CTNNA2: variants seen among roughly 807,000 people sequenced by gnomAD.
CTNNA2 encodes catenin alpha 2.
CTNNA2 carries 42 observed loss-of-function variants against 101.0 expected under a neutral mutation model. The observed-to-expected ratio is 0.42, with a 90% CI of 0.32 to 0.54. CTNNA2 has a LOEUF of 0.54. Among genes scored for constraint, CTNNA2 ranks in the 20% least tolerant of loss-of-function variants. The probability of loss-of-function intolerance (pLI) is 0.14; values close to 1 mark genes in which losing one functional copy is unlikely to be tolerated. For missense variants in CTNNA2, 871 were observed against 1,223.1 expected (o/e 0.71, Z 4.29); for synonymous variants, 450 against 456.4 (o/e 0.99, Z 0.18).
chr2:79,778,735 TTCTC>T (rs930628704), intron 3 of CTNNA2, among the ~76,000 whole-genome samples: 12 of 152,084 alleles, frequency 7.9e-5, no homozygotes, highest in East Asian at 1.9e-4. Flanking sequence ...CTTTCTTTCT[TTCTC>T]TCTCTCCTCT....
intron 7 of CTNNA2, among the ~76,000 whole-genome samples, chr2:80,280,850 A>G (rs1244339820): frequency 3.9e-5 from 6 of 152,120 alleles, no homozygotes; most frequent in Non-Finnish European, 7.4e-5. Context: ...AAGAAAAAAA[A>G]CCATGATGCA....
At chr2:79,750,021 C>T (rs149881412) in intron 3 of CTNNA2, among the ~76,000 whole-genome samples, 176 of 152,278 alleles carry the variant, frequency 1.2e-3, no homozygotes, top group African/African-American at 4.1e-3. Flanking sequence ...GTATGGCTTA[C>T]AGTTGGTGGT....
At chr2:79,817,531 G>C (rs1261367823) in intron 3 of CTNNA2, among the ~76,000 whole-genome samples, 1 of 151,868 alleles carries the variant, frequency 6.6e-6, no homozygotes, top group African/African-American at 2.4e-5. Context: ...ATTGAACCAT[G>C]TGTTGTATCT....
intron 7 of CTNNA2, among the ~76,000 whole-genome samples, chr2:79,913,442 G>A (rs552194359): frequency 9.1e-4 from 139 of 152,232 alleles, no homozygotes; most frequent in Admixed American, 2.6e-3. Context: ...GGCATCAGTC[G>A]GTGCAGGGTG....
intron 3 of CTNNA2, among the ~76,000 whole-genome samples, chr2:79,827,538 G>T (rs1321160478): frequency 2.0e-5 from 3 of 152,096 alleles, no homozygotes; most frequent in Admixed American, 6.6e-5. Context: ...CCTGCATATG[G>T]GTGATGACCA....
intron 2 of CTNNA2, among the ~76,000 whole-genome samples, chr2:79,234,865 T>A (rs1376358794): frequency 6.6e-6 from 1 of 152,156 alleles, no homozygotes; most frequent in Non-Finnish European, 1.5e-5. Flanking sequence ...TGAAGTAAAT[T>A]TTTCAGCTCC....
At chr2:79,842,896 G>A (rs775593885) in intron 3 of CTNNA2, among the ~76,000 whole-genome samples, 1 of 152,038 alleles carries the variant, frequency 6.6e-6, no homozygotes, top group African/African-American at 2.4e-5. Flanking sequence ...TTAGTGTCTC[G>A]AGCAGAGGGA....
chr2:80,395,664 T>C (rs1475317468), intron 8 of CTNNA2, among the ~76,000 whole-genome samples: 2 of 152,216 alleles, frequency 1.3e-5, no homozygotes, highest in Non-Finnish European at 2.9e-5. Flanking sequence ...GGGTCTCTGA[T>C]AGCCCCTCCA....
chr2:79,941,893 A>G (rs2104459139), intron 7 of CTNNA2, among the ~76,000 whole-genome samples: 1 of 152,322 alleles, frequency 6.6e-6, no homozygotes, highest in African/African-American at 2.4e-5. Context: ...TGCTGGGATT[A>G]CAGGTGTGAG....
chr2:80,063,617 A>G (rs1490602248), intron 7 of CTNNA2, among the ~76,000 whole-genome samples: 1 of 152,248 alleles, frequency 6.6e-6, no homozygotes, highest in Non-Finnish European at 1.5e-5. Context: ...AGGAGTAGAA[A>G]GCTGGAATGC....
At chr2:79,420,640 C>T (rs1678531738) in intron 4 of CTNNA2, among the ~76,000 whole-genome samples, 1 of 152,076 alleles carries the variant, frequency 6.6e-6, no homozygotes, top group South Asian at 2.1e-4. Flanking sequence ...TTAGTTTTCT[C>T]GTAAGTAAAA....
intron 4 of CTNNA2, among the ~76,000 whole-genome samples, chr2:79,387,600 C>T (rs2104469049): frequency 6.6e-6 from 1 of 152,274 alleles, no homozygotes; most frequent in African/African-American, 2.4e-5. Context: ...ACTCATAGTC[C>T]CTGCTTCAGC....
At chr2:80,452,196 TA>T (rs1683575972) in intron 9 of CTNNA2, among the ~76,000 whole-genome samples, 1 of 151,920 alleles carries the variant, frequency 6.6e-6, no homozygotes, top group African/African-American at 2.4e-5. Context: ...ACCTAGTACA[TA>T]ATGCAATCAG....
At chr2:79,705,520 A>G (rs960181856) in intron 2 of CTNNA2, among the ~76,000 whole-genome samples, 2 of 152,182 alleles carry the variant, frequency 1.3e-5, no homozygotes, top group African/African-American at 4.8e-5. Flanking sequence ...GTTCTGGAAC[A>G]TATGTATGTA....
At chr2:79,706,347 A>G (rs1303868641) in intron 2 of CTNNA2, among the ~76,000 whole-genome samples, 1 of 137,034 alleles carries the variant, frequency 7.3e-6, no homozygotes, top group Non-Finnish European at 1.5e-5. Context: ...TGGGCGACAG[A>G]GCGAGACTCC....
At position 79,858,933 on chromosome 2, in the gene CTNNA2, C is replaced by T. The variant is rs568426402; in HGVS notation, c.465+754C>T. 3.3e-5 allele frequency among the ~76,000 whole-genome samples: 5 copies of T among 151,568 alleles called. No individual in the cohort carries two copies. The East Asian group carries it at 9.7e-4, about 29-fold the overall frequency. Reference sequence around the variant, plus strand: ...ACCTCCCCAGTCCTTGACTACGGGTCGTTCTTCCATTTTTCTACTTGCTGA... The same window carrying T: ...ACCTCCCCAGTCCTTGACTACGGGTTGTTCTTCCATTTTTCTACTTGCTGA... On this transcript the variant is annotated intron_variant, in intron 4 of 18. Coordinates refer to ENST00000402739, the MANE Select transcript of CTNNA2 (RefSeq NM_001282597.3).
chr2:80,303,222 G>A lies in CTNNA2; in HGVS notation c.1057-89989G>A. On this transcript the variant is annotated intron_variant, in intron 7 of 18. Transcript: ENST00000402739. The surrounding 1 kb of genome is among the most constrained non-coding windows in gnomAD (Gnocchi z 7.7). ...AAGCCGGCGAAAGAGTTGCGCGCCAGACTCTTGAGCTGATTGTATCCGATG... is the reference window on the plus strand; with the variant it reads ...AAGCCGGCGAAAGAGTTGCGCGCCAAACTCTTGAGCTGATTGTATCCGATG... The A allele has an allele frequency of 6.2e-7, 1 of 1,613,908 alleles. No homozygotes were observed. The highest frequency in any genetic ancestry group is 8.5e-7 in the Non-Finnish European group (1 of 1,179,966).
chr2:80,515,001 C>CCTT lies in CTNNA2; in HGVS notation c.1291-29976_1291-29974dup, dbSNP rs373361717. Among the ~76,000 whole-genome samples, 245 of 152,236 alleles carry CCTT rather than the reference C, an allele frequency of 1.6e-3. 1 individual carries two copies. Among genetic ancestry groups the CCTT allele is most frequent in the African/African-American group, 5.6e-3 (231 of 41,542 alleles). ...CCCCTGTCTGTCTAGAATTTCTCTG[C>CCTT]CTTCTTCCTCTATGAAGAGGAGTGT... On this transcript the variant is annotated intron_variant, in intron 9 of 18. Coordinates refer to ENST00000402739, the MANE Select transcript of CTNNA2 (RefSeq NM_001282597.3).
chr2:80,147,735 A>T (rs1425645609), intron 7 of CTNNA2, among the ~76,000 whole-genome samples: 1 of 152,150 alleles, frequency 6.6e-6, no homozygotes, highest in Non-Finnish European at 1.5e-5. Flanking sequence ...TGTGTTAGTC[A>T]TTTATACCAC....
Sources: gnomAD v4.1 joint callset for allele counts (sites outside exome capture counted in the v4.1 genomes callset) on GRCh38, gnomAD v4.1.1 for gene constraint, Gnocchi (gnomAD v3.1) non-coding constraint, MANE v1.5 for transcripts, NCBI Gene and HGNC (gene_info 2026-07-23, HGNC 2026-07-21) for gene names.